Variants in ARHGAP31 observed in about 807,000 individuals in gnomAD.
ARHGAP31 encodes Rho GTPase activating protein 31, also known as rho GTPase-activating protein 31.
Under a neutral mutation model 113.9 loss-of-function variants are expected in ARHGAP31, and 34 were observed. The ratio of observed to expected loss-of-function variants is 0.30; its 90% CI spans 0.23 to 0.40. The LOEUF is 0.40. ARHGAP31 is among the 10% of genes least tolerant of loss of function. The pLI, the probability that ARHGAP31 is intolerant of heterozygous loss-of-function variation, is 1.00. For synonymous variants in ARHGAP31, 650 were observed against 684.8 expected (o/e 0.95, Z 0.79); for missense variants, 1,548 against 1,767.1 (o/e 0.88, Z 2.22).
chr3:119,362,580 G>A (rs567021435), intron 1 of ARHGAP31, among the ~76,000 whole-genome samples: 3 of 152,000 alleles, frequency 2.0e-5, no homozygotes, highest in South Asian at 2.1e-4. Context: ...CTAGCCTGGC[G>A]AACATAGTGA....
rs1460416163 is a variant in ARHGAP31 at position 119,417,672 on chromosome 3, A to G, written c.*1408A>G. The G allele has an allele frequency of 6.6e-6, 1 of 151,680 alleles. No individual in the cohort carries two copies. The highest frequency in any genetic ancestry group is 1.5e-5 in the Non-Finnish European group (1 of 67,948). The allele number at this position is 151,680 out of a possible 1,614,324, so 9.4% of individuals were successfully genotyped here. Reference sequence around the variant, plus strand: ...GGCACTCACTCAAACTTGCTCTTCAACTCTGTATACAAGCAGAAGCAATAA... The same window carrying G: ...GGCACTCACTCAAACTTGCTCTTCAGCTCTGTATACAAGCAGAAGCAATAA... On this transcript the variant is annotated 3_prime_UTR_variant, in exon 12 of 12. Transcript: ENST00000264245.
At chr3:119,325,058 C>G (rs1004292425) in intron 1 of ARHGAP31, 3 of 439,400 alleles carry the variant, frequency 6.8e-6, no homozygotes, top group Middle Eastern at 3.3e-4. Context: ...TTATTGAACA[C>G]TCTCAGTGTG....
In ARHGAP31 at chr3:119,391,425, G is replaced by A. The variant is rs570136789; in HGVS notation, c.881+442G>A. ...GACAAATGGTGTCACTAGGCTGATAGCTCTGGGTGAGCAGCAGTTGGGGAC... is the reference window on the plus strand; with the variant it reads ...GACAAATGGTGTCACTAGGCTGATAACTCTGGGTGAGCAGCAGTTGGGGAC... On this transcript the variant is annotated intron_variant, in intron 7 of 11. Coordinates refer to ENST00000264245, the MANE Select transcript of ARHGAP31 (RefSeq NM_020754.4). Among the ~76,000 whole-genome samples, 16 of 152,218 alleles carry A rather than the reference G, an allele frequency of 1.1e-4. No homozygotes were observed. In the East Asian group the frequency reaches 3.1e-3, roughly 29 times the overall value.
intron 1 of ARHGAP31, among the ~76,000 whole-genome samples, chr3:119,360,954 C>T (rs1390883007): frequency 1.6e-4 from 25 of 152,210 alleles, no homozygotes; most frequent in Admixed American, 1.6e-3. Flanking sequence ...AGCTCTGTGA[C>T]TCTGACCTCC....
intron 3 of ARHGAP31, among the ~76,000 whole-genome samples, chr3:119,375,339 G>A (rs1015785875): frequency 7.9e-5 from 12 of 152,146 alleles, no homozygotes; most frequent in Non-Finnish European, 1.2e-4. Context: ...GGCTGCTGAC[G>A]TTCCTTGGAT....
chr3:119,321,321 ATAAT>A (rs909279477), intron 1 of ARHGAP31, among the ~76,000 whole-genome samples: 3 of 147,192 alleles, frequency 2.0e-5, no homozygotes, highest in Non-Finnish European at 4.5e-5. Flanking sequence ...TTATGTATAT[ATAAT>A]TATATACTAT....
chr3:119,413,794 A>G (rs2080740466), intron 11 of ARHGAP31, 62 bp from the exon 12 acceptor site: 1 of 1,612,614 alleles, frequency 6.2e-7, no homozygotes, highest in South Asian at 1.1e-5. Context: ...CTCACTGGAA[A>G]CGCTGATGTC....
At chr3:119,381,848 T>C (rs1034630081) in intron 4 of ARHGAP31, among the ~76,000 whole-genome samples, 1 of 152,022 alleles carries the variant, frequency 6.6e-6, no homozygotes, top group African/African-American at 2.4e-5. Context: ...TAGCCGGGCG[T>C]GGTGGCGGGC....
chr3:119,353,708 A>AC (rs1412406891), intron 1 of ARHGAP31, among the ~76,000 whole-genome samples: 1 of 150,584 alleles, frequency 6.6e-6, no homozygotes, highest in African/African-American at 2.4e-5. Context: ...AATTGCTTAA[A>AC]CCTGGAAGGA....
intron 11 of ARHGAP31, 88 bp downstream of exon 11, chr3:119,409,864 A>AT (rs149651758): frequency 2.2e-5 from 30 of 1,389,678 alleles, no homozygotes; most frequent in African/African-American, 2.9e-5. Flanking sequence ...TTGAAAAAAA[A>AT]TTTTTTTTTG....
intron 11 of ARHGAP31, among the ~76,000 whole-genome samples, chr3:119,411,951 T>A (rs1212108838): frequency 6.6e-6 from 1 of 152,136 alleles, no homozygotes. Context: ...AACTGTAATA[T>A]GAAACAACAA....
At chr3:119,331,696 C>A (rs1232993486) in intron 1 of ARHGAP31, among the ~76,000 whole-genome samples, 1 of 152,166 alleles carries the variant, frequency 6.6e-6, no homozygotes, top group Non-Finnish European at 1.5e-5. Flanking sequence ...CCTCTTCAGC[C>A]ATTTTGAGGG....
chr3:119,386,349 G>A lies in ARHGAP31; in HGVS notation c.682+3123G>A, dbSNP rs981086561. Among the ~76,000 whole-genome samples, 19 of 152,266 alleles carry A rather than the reference G, an allele frequency of 1.2e-4. No homozygotes were observed. The East Asian group carries it at 3.5e-3, about 28-fold the overall frequency. ...AGGCTGGGAATTTCAAGATCCAAGG[G>A]CCGGTAGATTCAGTGTCTGGTGAGG... On this transcript the variant is annotated intron_variant, in intron 6 of 11. Transcript: ENST00000264245.
In ARHGAP31 at chr3:119,334,050, C is replaced by A. The variant is rs148325260; in HGVS notation, c.101-31266C>A. 1.6e-3 allele frequency among the ~76,000 whole-genome samples: 249 copies of A among 152,326 alleles called. 1 individual carries two copies. Among genetic ancestry groups the A allele is most frequent in the African/African-American group, 5.5e-3 (228 of 41,572 alleles). Reference sequence around the variant, plus strand: ...CCCAGATGTGCCCTAGACAGTGCCTCAACTCCTTTAAAGACAAAGAAGAGT... The same window carrying A: ...CCCAGATGTGCCCTAGACAGTGCCTAAACTCCTTTAAAGACAAAGAAGAGT... On this transcript the variant is annotated intron_variant, in intron 1 of 11. Transcript: ENST00000264245.
chr3:119,395,963 C>T (rs2080547386), intron 8 of ARHGAP31, among the ~76,000 whole-genome samples: 1 of 152,210 alleles, frequency 6.6e-6, no homozygotes, highest in Admixed American at 6.5e-5. Flanking sequence ...AGTACCTGAC[C>T]AGAAACTCCT....
intron 3 of ARHGAP31, among the ~76,000 whole-genome samples, chr3:119,374,329 G>A (rs78350237): frequency 0.017 from 2,591 of 152,142 alleles, 46 homozygotes; most frequent in East Asian, 0.06. Context: ...CTCTCACCAC[G>A]TAGCATCACC....
At position 119,397,308 on chromosome 3, in the gene ARHGAP31, C is replaced by T. The variant is rs995020664; in HGVS notation, c.1007-1891C>T. On this transcript the variant is annotated intron_variant, in intron 8 of 11. Coordinates refer to ENST00000264245, the MANE Select transcript of ARHGAP31 (RefSeq NM_020754.4). ...AGGCTTCAACACCAAAGGTGGACAC[C>T]GATGGACCTACAGACAGAGCTGCTA... 2.6e-5 allele frequency among the ~76,000 whole-genome samples: 4 copies of T among 152,158 alleles called. No homozygotes were observed. The South Asian group carries it at 6.2e-4, about 24-fold the overall frequency.
At chr3:119,372,375 C>T (rs1012969239) in intron 3 of ARHGAP31, among the ~76,000 whole-genome samples, 2 of 151,662 alleles carry the variant, frequency 1.3e-5, no homozygotes, top group African/African-American at 4.9e-5. Flanking sequence ...CCTCTGCCTC[C>T]CGGGTTCAAG....
chr3:119,337,952 T>A (rs1261251943), intron 1 of ARHGAP31, among the ~76,000 whole-genome samples: 1 of 152,178 alleles, frequency 6.6e-6, no homozygotes, highest in Non-Finnish European at 1.5e-5. Flanking sequence ...GGTACAAGTT[T>A]GTATGCAGAT....
Sources: allele counts gnomAD v4.1 joint callset (sites outside exome capture counted in the v4.1 genomes callset), GRCh38; gene constraint gnomAD v4.1.1; transcripts MANE v1.5; gene names NCBI Gene and HGNC (gene_info 2026-07-23, HGNC 2026-07-21).